TSPAN5: variants seen among roughly 807,000 people sequenced by gnomAD.
TSPAN5 encodes the protein tetraspanin-5.
A neutral mutation model predicts 37.1 loss-of-function variants in TSPAN5; 10 were observed. The ratio of observed to expected loss-of-function variants is 0.27; its 90% confidence interval spans 0.17 to 0.46. The LOEUF is 0.46. TSPAN5 is among the 20% of genes least tolerant of loss of function. The probability of loss-of-function intolerance (pLI) is 1.00; values close to 1 mark genes in which losing one functional copy is unlikely to be tolerated. For missense variants in TSPAN5, 195 were observed against 326.6 expected (o/e 0.60, Z 3.11); for synonymous variants, 110 against 118.9 (o/e 0.93, Z 0.48).
At chr4:98,535,954 A>G (rs188284206) in intron 1 of TSPAN5, among the ~76,000 whole-genome samples, 8 of 152,268 alleles carry the variant, frequency 5.3e-5, no homozygotes, top group Non-Finnish European at 1.2e-4. Flanking sequence ...CAAGGTTCTT[A>G]GCTTCCTTGC....
chr4:98,504,760 C>G (rs1753436313), intron 2 of TSPAN5, among the ~76,000 whole-genome samples: 1 of 152,184 alleles, frequency 6.6e-6, no homozygotes, highest in Non-Finnish European at 1.5e-5. Context: ...CAACATCACA[C>G]AGATGAGATG....
At chr4:98,571,962 TTTTA>T (rs58535549) in intron 1 of TSPAN5, among the ~76,000 whole-genome samples, 28,739 of 150,666 alleles carry the variant, frequency 0.19, 3,161 homozygotes, top group South Asian at 0.32. Flanking sequence ...GAGAGAGACA[TTTTA>T]TTTATTTATT....
intron 1 of TSPAN5, among the ~76,000 whole-genome samples, chr4:98,620,330 G>A (rs779674132): frequency 2.0e-5 from 3 of 152,124 alleles, no homozygotes; most frequent in African/African-American, 4.8e-5. Context: ...AACAGTCCCC[G>A]CTGAGGCTGG....
chr4:98,550,358 C>A (rs2110153823), intron 1 of TSPAN5, among the ~76,000 whole-genome samples: 1 of 152,158 alleles, frequency 6.6e-6, no homozygotes, highest in South Asian at 2.1e-4. Context: ...ATTGCTTTGG[C>A]TATTCTGGCT....
Position 98,607,701 on chromosome 4 carries a change from C to A in TSPAN5, c.81+50445G>T, listed in dbSNP as rs114282490. The stretch of plus-strand genomic sequence containing the variant: ...GAAAAAAAAGAAACAATCTGTGATG[C>A]CTTAAATGAAATTTTTTTTTTTTTT... On this transcript the variant is annotated intron_variant, in intron 1 of 7. Transcript: ENST00000305798. Among the ~76,000 whole-genome samples, 762 of 151,278 alleles carry A rather than the reference C, an allele frequency of 5.0e-3. 8 individuals carry two copies. The highest frequency in any genetic ancestry group is 0.018 in the African/African-American group (727 of 41,086).
intron 1 of TSPAN5, among the ~76,000 whole-genome samples, chr4:98,518,135 T>G (rs1753775383): frequency 6.6e-6 from 1 of 151,176 alleles, no homozygotes; most frequent in South Asian, 2.1e-4. Flanking sequence ...GCTCAAGTGA[T>G]CCTCCCCCCT....
intron 1 of TSPAN5, among the ~76,000 whole-genome samples, chr4:98,651,139 G>A (rs1354089999): frequency 1.3e-5 from 2 of 152,208 alleles, no homozygotes; most frequent in Non-Finnish European, 2.9e-5. Flanking sequence ...ATCAGTAATG[G>A]GACAAACAGA....
chr4:98,533,820 G>A (rs1312404820), intron 1 of TSPAN5, among the ~76,000 whole-genome samples: 4 of 149,540 alleles, frequency 2.7e-5, no homozygotes, highest in Non-Finnish European at 5.9e-5. Flanking sequence ...AAAGTGCTGG[G>A]ATTACAGGTG....
chr4:98,543,477 G>A (rs1004581368), intron 1 of TSPAN5, among the ~76,000 whole-genome samples: 2 of 150,774 alleles, frequency 1.3e-5, no homozygotes, highest in African/African-American at 4.9e-5. Flanking sequence ...GTGCAGTGGC[G>A]TGATCTCGGC....
chr4:98,561,482 T>G (rs1258986785), intron 1 of TSPAN5, among the ~76,000 whole-genome samples: 1 of 152,220 alleles, frequency 6.6e-6, no homozygotes, highest in Non-Finnish European at 1.5e-5. Flanking sequence ...ATTTATTGAA[T>G]AAATGCTACT....
At chr4:98,595,543 G>T (rs1204801066) in intron 1 of TSPAN5, among the ~76,000 whole-genome samples, 1 of 127,964 alleles carries the variant, frequency 7.8e-6, no homozygotes, top group Non-Finnish European at 1.6e-5. Context: ...GTCAATTTTG[G>T]ATCTTTCCTG....
intron 1 of TSPAN5, among the ~76,000 whole-genome samples, chr4:98,611,335 G>T (rs7700032): frequency 4.0e-5 from 6 of 151,496 alleles, no homozygotes; most frequent in Non-Finnish European, 5.9e-5. Context: ...GAAAGCACCC[G>T]GTCAATTTTA....
chr4:98,494,389 T>C (rs1359116293), intron 2 of TSPAN5, among the ~76,000 whole-genome samples: 2 of 151,740 alleles, frequency 1.3e-5, no homozygotes, highest in Non-Finnish European at 2.9e-5. Flanking sequence ...ACAGACTAGC[T>C]TGTCTTGAAT....
At chr4:98,547,924 G>C (rs950156576) in intron 1 of TSPAN5, among the ~76,000 whole-genome samples, 1 of 148,148 alleles carries the variant, frequency 6.8e-6, no homozygotes, top group Non-Finnish European at 1.5e-5. Context: ...AGAATCCCTT[G>C]AACCCTGGAG....
chr4:98,638,827 G>A (rs935008841), intron 1 of TSPAN5, among the ~76,000 whole-genome samples: 3 of 152,258 alleles, frequency 2.0e-5, no homozygotes, highest in African/African-American at 7.2e-5. Context: ...TTCACAGCAT[G>A]ATTCAGACAA....
chr4:98,555,368 T>C (rs981625948), intron 1 of TSPAN5, among the ~76,000 whole-genome samples: 5 of 152,152 alleles, frequency 3.3e-5, no homozygotes, highest in Non-Finnish European at 7.4e-5. Flanking sequence ...TCTTCTCTCC[T>C]TTATAAAGAC....
At chr4:98,542,573 G>A (rs919983911) in intron 1 of TSPAN5, among the ~76,000 whole-genome samples, 4 of 152,048 alleles carry the variant, frequency 2.6e-5, no homozygotes, top group South Asian at 2.1e-4. Flanking sequence ...TTAAAAATTC[G>A]CCAGGCACAG....
intron 1 of TSPAN5, among the ~76,000 whole-genome samples, chr4:98,583,892 C>T (rs1755426315): frequency 6.6e-6 from 1 of 152,216 alleles, no homozygotes; most frequent in Non-Finnish European, 1.5e-5. Flanking sequence ...CTGACATCCA[C>T]TACACAGTCA....
intron 7 of TSPAN5, among the ~76,000 whole-genome samples, chr4:98,473,406 C>T (rs1752628224): frequency 6.6e-6 from 1 of 151,758 alleles, no homozygotes; most frequent in South Asian, 2.1e-4. Context: ...AATTGCATTT[C>T]CTTAATGACT....
Sources: gnomAD v4.1 joint callset for allele counts (sites outside exome capture counted in the v4.1 genomes callset) on GRCh38, gnomAD v4.1.1 for gene constraint, MANE v1.5 for transcripts, NCBI Gene and HGNC (gene_info 2026-07-23, HGNC 2026-07-21) for gene names.